ZFP62: variants seen among roughly 807,000 people sequenced by gnomAD.
The protein encoded by ZFP62 is zinc finger protein 62 homolog.
In ZFP62, 44 loss-of-function variants were observed where a neutral mutation model predicts 56.4. The ratio of observed to expected loss-of-function variants is 0.78; its 90% CI spans 0.61 to 1.00. ZFP62 has a LOEUF of 1.00. ZFP62 is among the 50% of genes least tolerant of loss of function. The probability of loss-of-function intolerance (pLI) is 0.00; values close to 1 mark genes in which losing one functional copy is unlikely to be tolerated. For missense variants in ZFP62, 1,030 were observed against 1,085.7 expected, an observed-to-expected ratio of 0.95 and a Z score of 0.72; for synonymous variants, 421 against 388.9, an observed-to-expected ratio of 1.08 and a Z score of -0.97.
At chr5:180,858,775 C>T (rs954571459) in intron 1 of ZFP62, among the ~76,000 whole-genome samples, 3 of 152,132 alleles carry the variant, frequency 2.0e-5, no homozygotes, top group Non-Finnish European at 2.9e-5. Context: ...ACCCCCAAAA[C>T]ACAACTCTTC....
At position 180,849,181 on chromosome 5, in the gene ZFP62, G is replaced by A; in HGVS notation, c.2314C>T (p.Leu772Phe). The part of the protein sequence containing the change: ...CGKAFRNSSG[L>F]TVHKRIHTGE... ...GTGTGGATCCTTTTATGCACTGTGA[G>A]GCCTGAGCTGTTCCTGAAGGCCTTC... The change falls in exon 2 of 2, where the codon CTC becomes TTC. Residue 772 changes from leucine to phenylalanine, a missense_variant. Leu to Phe is a conservative substitution (Grantham distance 22, BLOSUM62 0). Transcript: ENST00000502412. The A allele has an allele frequency of 3.8e-6, 6 of 1,562,130 alleles. No individual in the cohort carries two copies. The highest frequency in any genetic ancestry group is 2.6e-6 in the Non-Finnish European group (3 of 1,153,434).
chr5:180,853,634 G>A (rs890716835), intron 1 of ZFP62, among the ~76,000 whole-genome samples: 12 of 152,094 alleles, frequency 7.9e-5, no homozygotes, highest in African/African-American at 2.4e-4. Flanking sequence ...TACCACAATC[G>A]CAGGAAGAGA....
At chr5:180,853,509 T>C (rs907844258) in intron 1 of ZFP62, among the ~76,000 whole-genome samples, 5 of 152,290 alleles carry the variant, frequency 3.3e-5, no homozygotes, top group South Asian at 4.1e-4. Flanking sequence ...GTTTTTACTA[T>C]ACAAAATACA....
At chr5:180,834,937 G>T in the ZFP62 span, 1 of 151,804 alleles carries the variant, frequency 6.6e-6, no homozygotes, top group African/African-American at 2.4e-5. Context: ...ACAAAAGCTT[G>T]CTCTCTCTCT....
chr5:180,849,368 A>T lies in ZFP62; in HGVS notation c.2127T>A (p.Ala709=). 2 of 1,551,034 alleles carry T rather than the reference A, an allele frequency of 1.3e-6. No individual in the cohort carries two copies. Among genetic ancestry groups the T allele is most frequent in the Non-Finnish European group, 1.7e-6 (2 of 1,146,808 alleles). The part of the protein sequence containing the change: ...TPHTCDECGK[A]FFSSRTLISH... ...TTATAAGAGTTCTGCTTGAGAAAAA[A>T]GCTTTTCCACATTCATCACATGTAT... Residue 709 remains alanine, a synonymous_variant, in exon 2 of 2, where the codon GCT becomes GCA. Transcript: ENST00000502412.
rs143071020 is a variant in ZFP62, at chr5:180,849,345, A to T, written c.2150T>A (p.Ile717Lys). The T allele has an allele frequency of 3.2e-6, 5 of 1,551,008 alleles. No homozygotes were observed. Among genetic ancestry groups the T allele is most frequent in the Non-Finnish European group, 4.4e-6 (5 of 1,146,822 alleles). ...CCCAAGATGGACTCTTTTATGGCTT[A>T]TAAGAGTTCTGCTTGAGAAAAAAGC... Reference protein sequence around the residue: ...GKAFFSSRTLISHKRVHLGEK... With the variant: ...GKAFFSSRTLKSHKRVHLGEK... The change falls in exon 2 of 2, where the codon ATA becomes AAA. Residue 717 changes from isoleucine to lysine, a missense_variant. Transcript: ENST00000502412.
rs1554135788 is a variant in ZFP62 at position 180,848,555 on chromosome 5, G to C, written c.*237C>G. ...GATTTGCTTCACATTCCATCACTCAGATCTAAGTTTTTCTCTCAAGTATGG... is the reference window on the plus strand; with the variant it reads ...GATTTGCTTCACATTCCATCACTCACATCTAAGTTTTTCTCTCAAGTATGG... On this transcript the variant is annotated 3_prime_UTR_variant, in exon 2 of 2. Coordinates refer to ENST00000502412, the MANE Select transcript of ZFP62 (RefSeq NM_001172638.2). The C allele has an allele frequency of 8.1e-7, 1 of 1,227,026 alleles. No individual in the cohort carries two copies. The highest frequency in any genetic ancestry group is 1.0e-6 in the Non-Finnish European group (1 of 982,354). The allele number at this position is 1,227,026 out of a possible 1,614,324, so 76.0% of individuals were successfully genotyped here.
chr5:180,844,685 C>T (rs985774709), downstream of ZFP62, among the ~76,000 whole-genome samples: 7 of 152,118 alleles, frequency 4.6e-5, no homozygotes, highest in South Asian at 2.1e-4. Flanking sequence ...TTTTGCAGCC[C>T]GACAAAGACA....
the ZFP62 span, among the ~76,000 whole-genome samples, chr5:180,841,366 G>A: frequency 6.6e-6 from 1 of 151,602 alleles, no homozygotes; most frequent in African/African-American, 2.4e-5. Context: ...GGAACTTGAG[G>A]CGAGGATTTT....
intron 1 of ZFP62, among the ~76,000 whole-genome samples, chr5:180,853,128 G>A (rs145864353): frequency 0.025 from 3,819 of 152,302 alleles, 62 homozygotes; most frequent in African/African-American, 0.039. Context: ...CATGCACAGA[G>A]TGACTCATTA....
At position 180,848,283 on chromosome 5, in the gene ZFP62, T is replaced by TA. The variant is rs766195993; in HGVS notation, c.*508dup. The stretch of plus-strand genomic sequence containing the variant: ...AAACCAATTACATCAAGTTTATACT[T>TA]AAAGACCACTAATATTAAATAAATT... On this transcript the variant is annotated 3_prime_UTR_variant, in exon 2 of 2. Transcript: ENST00000502412. The TA allele has an allele frequency of 6.1e-4, 604 of 985,354 alleles. 1 individual carries two copies. Among genetic ancestry groups the TA allele is most frequent in the Non-Finnish European group, 7.1e-4 (591 of 829,984 alleles). 61.0% of individuals were successfully genotyped at this position (985,354 alleles called of 1,614,324 possible).
At chr5:180,856,040 G>A (rs942129211) in intron 1 of ZFP62, among the ~76,000 whole-genome samples, 2 of 152,206 alleles carry the variant, frequency 1.3e-5, no homozygotes, top group African/African-American at 4.8e-5. Context: ...TCTTTGACAA[G>A]TGGATTATTC....
chr5:180,857,494 TG>T (rs1400675943), intron 1 of ZFP62, among the ~76,000 whole-genome samples: 2 of 152,118 alleles, frequency 1.3e-5, no homozygotes, highest in Admixed American at 6.6e-5. Context: ...TTAGAACTTT[TG>T]TTTTTTTTTT....
chr5:180,853,603 C>T (rs1373533692), intron 1 of ZFP62, among the ~76,000 whole-genome samples: 15 of 152,158 alleles, frequency 9.9e-5, no homozygotes, highest in Admixed American at 4.6e-4. Flanking sequence ...AACAAATCAA[C>T]CTATTTGCAT....
chr5:180,841,951 CG>C, the ZFP62 span, among the ~76,000 whole-genome samples: 1 of 152,038 alleles, frequency 6.6e-6, no homozygotes, highest in Non-Finnish European at 1.5e-5. Flanking sequence ...ACATGGGAGG[CG>C]TAAGAATTGC....
chr5:180,834,540 G>A, the ZFP62 span: 3 of 152,246 alleles, frequency 2.0e-5, no homozygotes, highest in South Asian at 4.1e-4. Flanking sequence ...ATCAGAAAGC[G>A]GGTGGACCCT....
the ZFP62 span, among the ~76,000 whole-genome samples, chr5:180,828,838 G>C: frequency 6.6e-6 from 1 of 152,196 alleles, no homozygotes; most frequent in Admixed American, 6.5e-5. Flanking sequence ...TGCAAGTAGG[G>C]AAGATATTGC....
chr5:180,829,409 C>A, the ZFP62 span, among the ~76,000 whole-genome samples: 1 of 152,346 alleles, frequency 6.6e-6, no homozygotes, highest in Middle Eastern at 3.4e-3. Context: ...CTTTTGAAAT[C>A]CTTAATAAAA....
rs758636583 is a variant in ZFP62 at position 180,850,229 on chromosome 5, T to C, written c.1266A>G (p.Glu422=). 53 of 1,553,364 alleles carry C rather than the reference T, an allele frequency of 3.4e-5. No homozygotes were observed. The highest frequency in any genetic ancestry group is 9.5e-5 in the South Asian group (8 of 84,152). ...TAAAGGATTTCCCACACTCCTTACA[T>C]TCATGGGCTTTCTTCCCAGGGTGAA... The part of the protein sequence containing the change: ...KSIHPGKKAH[E]CKECGKSFSY... The change falls in exon 2 of 2, where the codon GAA becomes GAG. Residue 422 remains glutamate, a synonymous_variant. Coordinates refer to ENST00000502412, the MANE Select transcript of ZFP62 (RefSeq NM_001172638.2).
Sources: gnomAD v4.1 joint callset for allele counts (sites outside exome capture counted in the v4.1 genomes callset) on GRCh38, gnomAD v4.1.1 for gene constraint, MANE v1.5 for transcripts, NCBI Gene and HGNC (gene_info 2026-07-23, HGNC 2026-07-21) for gene names.